Variants in AHCYL2 observed in about 807,000 individuals in gnomAD.
AHCYL2 encodes adenosylhomocysteinase like 2, also known as S-adenosylhomocysteine hydrolase-like protein 2.
A neutral mutation model predicts 81.4 loss-of-function variants in AHCYL2; 28 were observed. The observed-to-expected ratio is 0.34, with a 90% confidence interval of 0.25 to 0.47. The LOEUF is 0.47. AHCYL2 is among the 20% of genes least tolerant of loss of function. The pLI, the probability that AHCYL2 is intolerant of heterozygous loss-of-function variation, is 1.00. For synonymous variants in AHCYL2, 272 were observed against 290.2 expected (o/e 0.94, Z 0.64); for missense variants, 551 against 785.1 (o/e 0.70, Z 3.56).
chr7:129,398,630 C>T (rs530905864), intron 5 of AHCYL2, among the ~76,000 whole-genome samples: 10 of 151,792 alleles, frequency 6.6e-5, no homozygotes, highest in Middle Eastern at 3.4e-3. Flanking sequence ...CTGCCTGCCT[C>T]GGCCTCCCAA....
At chr7:129,291,170 A>G (rs923713103) in intron 1 of AHCYL2, among the ~76,000 whole-genome samples, 4 of 152,130 alleles carry the variant, frequency 2.6e-5, no homozygotes, top group Admixed American at 2.6e-4. Context: ...AAGAGCATAC[A>G]TGTTTATGAC....
intron 1 of AHCYL2, among the ~76,000 whole-genome samples, chr7:129,342,213 C>G (rs1400976935): frequency 6.6e-6 from 1 of 152,156 alleles, no homozygotes; most frequent in African/African-American, 2.4e-5. Flanking sequence ...TATCATCATT[C>G]ACCCTATCAG....
chr7:129,269,119 T>C (rs976821207), intron 1 of AHCYL2, among the ~76,000 whole-genome samples: 1 of 135,782 alleles, frequency 7.4e-6, no homozygotes. Flanking sequence ...CTTTTTTTCC[T>C]AAATGATTCC....
chr7:129,414,176 T>A (rs1796729314), intron 12 of AHCYL2, among the ~76,000 whole-genome samples: 1 of 152,218 alleles, frequency 6.6e-6, no homozygotes, highest in Non-Finnish European at 1.5e-5. Flanking sequence ...CTGCGGTTTC[T>A]TCTTTTATCC....
At chr7:129,373,517 TTGACCCCGGGAGGTGGAGG>T (rs1794521185) in intron 1 of AHCYL2, among the ~76,000 whole-genome samples, 2 of 151,974 alleles carry the variant, frequency 1.3e-5, no homozygotes, top group Non-Finnish European at 2.9e-5. Context: ...GGAGAATCAC[TTGACCCCGGGAGGTGGAGG>T]TTGCAGTGAG....
At chr7:129,289,060 G>C (rs2150748421) in intron 1 of AHCYL2, among the ~76,000 whole-genome samples, 1 of 152,076 alleles carries the variant, frequency 6.6e-6, no homozygotes, top group South Asian at 2.1e-4. Flanking sequence ...GGGATTACAG[G>C]TATAAGCCAC....
intron 1 of AHCYL2, among the ~76,000 whole-genome samples, chr7:129,333,651 AG>A (rs1357239155): frequency 6.6e-6 from 1 of 152,212 alleles, no homozygotes; most frequent in African/African-American, 2.4e-5. Context: ...CTCTGAGCTC[AG>A]GAAACTTTGG....
chr7:129,293,087 T>C (rs537457040), intron 1 of AHCYL2, among the ~76,000 whole-genome samples: 1 of 152,198 alleles, frequency 6.6e-6, no homozygotes, highest in East Asian at 1.9e-4. Flanking sequence ...GTAGCTGTGA[T>C]TATAGGCGCT....
chr7:129,277,497 C>A (rs1290794724), intron 1 of AHCYL2, among the ~76,000 whole-genome samples: 2 of 152,102 alleles, frequency 1.3e-5, no homozygotes, highest in Non-Finnish European at 2.9e-5. Flanking sequence ...CCAGGCTGGT[C>A]TCGAACTCCT....
chr7:129,232,341 GTAAT>G (rs1175697731), intron 1 of AHCYL2, among the ~76,000 whole-genome samples: 1 of 152,194 alleles, frequency 6.6e-6, no homozygotes, highest in African/African-American at 2.4e-5. Flanking sequence ...CTCAAAGAGA[GTAAT>G]TAACTTGTCC....
chr7:129,413,792 C>G (rs1796713074), intron 12 of AHCYL2, 104 bp downstream of exon 12: 8 of 926,316 alleles, frequency 8.6e-6, no homozygotes, highest in Non-Finnish European at 1.2e-5. Flanking sequence ...ACATGACTAT[C>G]CTGGCAGAGT....
At chr7:129,365,258 T>G (rs1413691537) in intron 1 of AHCYL2, among the ~76,000 whole-genome samples, 1 of 152,114 alleles carries the variant, frequency 6.6e-6, no homozygotes. Context: ...TTTAAATATT[T>G]GAAAAAGTGA....
At chr7:129,267,206 C>T (rs1795838998) in intron 1 of AHCYL2, among the ~76,000 whole-genome samples, 2 of 144,162 alleles carry the variant, frequency 1.4e-5, no homozygotes, top group South Asian at 2.2e-4. Context: ...AGTACACCCT[C>T]CAAGTTATTG....
At chr7:129,400,419 G>C in intron 6 of AHCYL2, 35 bp downstream of exon 6, 1 of 1,591,018 alleles carries the variant, frequency 6.3e-7, no homozygotes, top group African/African-American at 1.3e-5. Context: ...ATTCTGTAGG[G>C]GTCAGGAATG....
In AHCYL2 at chr7:129,379,698, C is replaced by G; in HGVS notation, c.424C>G (p.Arg142Gly). The change falls in exon 2 of 17, where the codon CGC (arginine) becomes GGC (glycine). Residue 142 changes from arginine (R) to glycine (G), a missense_variant. Arg to Gly is a moderately radical substitution (Grantham distance 125, BLOSUM62 -2). Around this residue, in one of 2 missense-constraint regions of AHCYL2, gnomAD observed 235 missense variants for 242.1 expected, o/e 0.97. Transcript: ENST00000325006. ...FNKRPTKIGR[R>G]SLSRSISQSS... ...CAAACGTCCCACCAAAATTGGACGT[C>G]GCTCTTTGTCTCGTTCCATTTCTCA... The G allele has an allele frequency of 6.2e-7, 1 of 1,614,138 alleles. No homozygotes were observed. Among genetic ancestry groups the G allele is most frequent in the Non-Finnish European group, 8.5e-7 (1 of 1,179,998 alleles).
At chr7:129,290,293 G>C (rs1241072626) in intron 1 of AHCYL2, among the ~76,000 whole-genome samples, 1 of 151,940 alleles carries the variant, frequency 6.6e-6, no homozygotes, top group Non-Finnish European at 1.5e-5. Context: ...CACGAGGTCA[G>C]GAGATGAGAC....
At chr7:129,384,561 A>G (rs760602768) in intron 2 of AHCYL2, among the ~76,000 whole-genome samples, 1 of 152,086 alleles carries the variant, frequency 6.6e-6, no homozygotes, top group Non-Finnish European at 1.5e-5. Context: ...AAGCAGGTTT[A>G]TGAGATTTCA....
At chr7:129,311,579 C>A (rs1007680791) in intron 1 of AHCYL2, among the ~76,000 whole-genome samples, 2 of 152,070 alleles carry the variant, frequency 1.3e-5, no homozygotes, top group African/African-American at 4.8e-5. Context: ...CCCCACCCCC[C>A]ACCGCGCCAG....
At position 129,419,517 on chromosome 7, in the gene AHCYL2, G is replaced by A. The variant is rs1474638059; in HGVS notation, c.1462-3323G>A. Among the ~76,000 whole-genome samples, 2 of 152,108 alleles carry A rather than the reference G, an allele frequency of 1.3e-5. No individual in the cohort carries two copies. Among genetic ancestry groups the A allele is most frequent in the African/African-American group, 2.4e-5 (1 of 41,418 alleles). On this transcript the variant is annotated intron_variant, in intron 12 of 16. Coordinates refer to ENST00000325006, the MANE Select transcript of AHCYL2 (RefSeq NM_015328.4). The surrounding 1 kb of genome is among the most constrained non-coding windows in gnomAD (Gnocchi z 4.7). ...TGCAGTGAGCCAAGATCACGCCACT[G>A]CACTCTAGCCTGGATGACAGAGTGA...
Sources: allele counts gnomAD v4.1 joint callset (sites outside exome capture counted in the v4.1 genomes callset), GRCh38; gene constraint gnomAD v4.1.1; regional missense constraint gnomAD v4.1.1; non-coding constraint Gnocchi (gnomAD v3.1); transcripts MANE v1.5; gene names NCBI Gene and HGNC (gene_info 2026-07-23, HGNC 2026-07-21).